Variants in UBE2R2 observed in about 807,000 individuals in gnomAD.
The protein encoded by UBE2R2 is ubiquitin-conjugating enzyme E2 R2.
UBE2R2 carries 1 observed loss-of-function variant against 27.8 expected under a neutral mutation model. The observed-to-expected ratio is 0.04, with a 90% confidence interval of 0.01 to 0.17. UBE2R2 has a LOEUF of 0.17. Ranked by LOEUF, UBE2R2 falls within the 10% of genes least tolerant of loss-of-function variation. The pLI, the probability that UBE2R2 is intolerant of heterozygous loss-of-function variation, is 1.00. For missense variants in UBE2R2, 100 were observed against 291.0 expected (o/e 0.34, Z 4.78); for synonymous variants, 106 against 113.3 (o/e 0.94, Z 0.41).
intron 1 of UBE2R2, among the ~76,000 whole-genome samples, chr9:33,836,091 G>C (rs1360459530): frequency 2.6e-5 from 4 of 152,142 alleles, no homozygotes; most frequent in Non-Finnish European, 5.9e-5. Context: ...ATCACCTGAG[G>C]TCAGGAGTTT....
chr9:33,900,923 C>G (rs1822230141), intron 3 of UBE2R2, among the ~76,000 whole-genome samples: 1 of 151,998 alleles, frequency 6.6e-6, no homozygotes, highest in Non-Finnish European at 1.5e-5. Flanking sequence ...CTCTCTCTGT[C>G]TCTGTCTCTC....
chr9:33,848,706 A>G (rs1012419235), intron 1 of UBE2R2, among the ~76,000 whole-genome samples: 7 of 151,590 alleles, frequency 4.6e-5, no homozygotes, highest in African/African-American at 1.5e-4. Context: ...GGTTCTAGCA[A>G]TTCTCCTGCC....
At chr9:33,830,218 C>T (rs1019750568) in intron 1 of UBE2R2, among the ~76,000 whole-genome samples, 11 of 145,662 alleles carry the variant, frequency 7.6e-5, no homozygotes, top group Non-Finnish European at 1.2e-4. Context: ...AGTGCAGTTG[C>T]GTGACCTCAG....
chr9:33,819,189 A>G (rs1370615269), intron 1 of UBE2R2, among the ~76,000 whole-genome samples: 1 of 152,184 alleles, frequency 6.6e-6, no homozygotes, highest in East Asian at 1.9e-4. Flanking sequence ...TTATCTTGGC[A>G]CAAGTTTTAA....
rs1822750581 is a variant in UBE2R2, at chr9:33,919,620, C to A, written c.*2383C>A. The A allele has an allele frequency of 6.6e-6, 1 of 152,322 alleles. No homozygotes were observed. 9.4% of individuals were successfully genotyped at this position (152,322 alleles called of 1,614,324 possible). A position where few individuals can be genotyped will look rare whatever the true frequency, so the allele number is the denominator to read the frequency against. On this transcript the variant is annotated 3_prime_UTR_variant, in exon 5 of 5. Coordinates refer to ENST00000263228, the MANE Select transcript of UBE2R2 (RefSeq NM_017811.4). ...GAAGACTGGGTAAGTCTCTTGCTAG[C>A]AGGTGGACATTCTGGTATTTTAGAC...
At chr9:33,893,340 G>A (rs1459619205) in intron 2 of UBE2R2, among the ~76,000 whole-genome samples, 6 of 152,118 alleles carry the variant, frequency 3.9e-5, no homozygotes, top group Non-Finnish European at 7.4e-5. Flanking sequence ...TGTCTGGCTT[G>A]TTTCACTCAG....
rs1469366707 is a variant in UBE2R2, at chr9:33,817,303, G to A, written c.-455G>A. Among the ~76,000 whole-genome samples the A allele has an allele frequency of 7.2e-6, 1 of 139,440 alleles. No individual in the cohort carries two copies. The highest frequency in any genetic ancestry group is 1.6e-5 in the Non-Finnish European group (1 of 64,260). 91.5% of individuals were successfully genotyped at this position (139,440 alleles called of 152,430 possible). A position where few individuals can be genotyped will look rare whatever the true frequency, so the allele number is the denominator to read the frequency against. Reference sequence around the variant, plus strand: ...CTCCCCCCACCCTCTCCTGCCCCGCGCGCCCTCCGGCCCCTGCGGCCCCCG... The same window carrying A: ...CTCCCCCCACCCTCTCCTGCCCCGCACGCCCTCCGGCCCCTGCGGCCCCCG... On this transcript the variant is annotated 5_prime_UTR_variant, in exon 1 of 5. Transcript: ENST00000263228.
At chr9:33,824,524 A>C (rs899210720) in intron 1 of UBE2R2, among the ~76,000 whole-genome samples, 1 of 152,038 alleles carries the variant, frequency 6.6e-6, no homozygotes, top group Non-Finnish European at 1.5e-5. Flanking sequence ...ATGTAGTCCC[A>C]GCTACTTGGG....
upstream of UBE2R2, among the ~76,000 whole-genome samples, chr9:33,815,547 C>A (rs1366660066): frequency 1.3e-5 from 2 of 152,110 alleles, no homozygotes; most frequent in Non-Finnish European, 2.9e-5. Context: ...GGGTTGGAGA[C>A]CAGCCTCGCC....
chr9:33,847,467 C>G (rs181564457), intron 1 of UBE2R2, among the ~76,000 whole-genome samples: 4 of 152,214 alleles, frequency 2.6e-5, no homozygotes, highest in Non-Finnish European at 5.9e-5. Flanking sequence ...CTTTTGGCTG[C>G]TTTTAATATT....
chr9:33,866,659 A>G (rs551874484), intron 1 of UBE2R2, among the ~76,000 whole-genome samples: 7 of 132,624 alleles, frequency 5.3e-5, no homozygotes, highest in Non-Finnish European at 1.3e-4. Context: ...TCATGAAAAA[A>G]GAAAATTGCC....
intron 1 of UBE2R2, among the ~76,000 whole-genome samples, chr9:33,832,472 C>T (rs1278885091): frequency 2.6e-5 from 4 of 151,786 alleles, no homozygotes; most frequent in South Asian, 2.1e-4. Context: ...CTGGCTAACA[C>T]GGTGAAACCC....
chr9:33,848,862 C>T (rs919737751), intron 1 of UBE2R2, among the ~76,000 whole-genome samples: 17 of 151,894 alleles, frequency 1.1e-4, no homozygotes, highest in Admixed American at 1.1e-3. Flanking sequence ...CCTTGGCCTC[C>T]CAAAGTGCTG....
chr9:33,904,741 C>G (rs926599899), intron 3 of UBE2R2, among the ~76,000 whole-genome samples: 1 of 152,140 alleles, frequency 6.6e-6, no homozygotes, highest in African/African-American at 2.4e-5. Flanking sequence ...CTTGGGAAAA[C>G]CAGCATACTT....
intron 1 of UBE2R2, among the ~76,000 whole-genome samples, chr9:33,881,748 A>G (rs1474750053): frequency 6.6e-6 from 1 of 152,214 alleles, no homozygotes; most frequent in Admixed American, 6.5e-5. Context: ...ACATCATATC[A>G]GGGAGGTCAT....
intron 1 of UBE2R2, among the ~76,000 whole-genome samples, chr9:33,844,297 C>T (rs575240391): frequency 5.3e-5 from 8 of 152,214 alleles, no homozygotes; most frequent in African/African-American, 1.7e-4. Context: ...CTTCGCCTCC[C>T]GGGTTCAAGC....
intron 1 of UBE2R2, among the ~76,000 whole-genome samples, chr9:33,877,949 G>A (rs779572614): frequency 6.6e-5 from 10 of 151,854 alleles, no homozygotes; most frequent in Non-Finnish European, 1.2e-4. Context: ...AAGTGATGGG[G>A]TTTCACCATG....
intron 2 of UBE2R2, among the ~76,000 whole-genome samples, chr9:33,892,332 G>T (rs1175813880): frequency 6.6e-6 from 1 of 152,120 alleles, no homozygotes; most frequent in Non-Finnish European, 1.5e-5. Context: ...CTTTACTACA[G>T]ACTTCACAGA....
At chr9:33,847,256 C>T (rs143226953) in intron 1 of UBE2R2, among the ~76,000 whole-genome samples, 3 of 151,530 alleles carry the variant, frequency 2.0e-5, no homozygotes, top group Non-Finnish European at 4.4e-5. Context: ...GCCACCATGC[C>T]CGGCTAATTT....
Sources: allele counts gnomAD v4.1 joint callset (sites outside exome capture counted in the v4.1 genomes callset), GRCh38; gene constraint gnomAD v4.1.1; transcripts MANE v1.5; gene names NCBI Gene and HGNC (gene_info 2026-07-23, HGNC 2026-07-21).